Variants in SLC25A12 observed in about 807,000 individuals in gnomAD.
SLC25A12 encodes the protein solute carrier family 25 member 12, also known as electrogenic aspartate/glutamate antiporter SLC25A12, mitochondrial.
SLC25A12 carries 32 observed loss-of-function variants against 83.3 expected under a neutral mutation model. The ratio of observed to expected loss-of-function variants is 0.38; its 90% CI spans 0.29 to 0.52. The LOEUF is 0.52. SLC25A12 is among the 20% of genes least tolerant of loss of function. SLC25A12 has a pLI of 0.84. For synonymous variants in SLC25A12, 267 were observed against 291.1 expected, an observed-to-expected ratio of 0.92 and a Z score of 0.84; for missense variants, 611 against 835.6, an observed-to-expected ratio of 0.73 and a Z score of 3.31.
intron 11 of SLC25A12, among the ~76,000 whole-genome samples, chr2:171,811,012 A>G (rs1400388393): frequency 6.6e-6 from 1 of 152,248 alleles, no homozygotes; most frequent in African/African-American, 2.4e-5. Flanking sequence ...TAAACTGGAA[A>G]AGAAAAAAAT....
At chr2:171,793,599 G>C (rs1421912660) in intron 14 of SLC25A12, 28 bp downstream of exon 14, 2 of 1,608,698 alleles carry the variant, frequency 1.2e-6, no homozygotes, top group South Asian at 2.2e-5. Flanking sequence ...ATATTTTATT[G>C]AGTACATTAT....
chr2:171,812,830 G>A (rs528184689), intron 11 of SLC25A12, among the ~76,000 whole-genome samples: 1 of 149,888 alleles, frequency 6.7e-6, no homozygotes, highest in Non-Finnish European at 1.5e-5. Flanking sequence ...CCTTCAGATG[G>A]CTCATTGGAA....
At chr2:171,892,471 CGCCTCG>C (rs1685964310) in intron 2 of SLC25A12, among the ~76,000 whole-genome samples, 1 of 152,112 alleles carries the variant, frequency 6.6e-6, no homozygotes, top group East Asian at 1.9e-4. Context: ...ATGGTCCACC[CGCCTCG>C]GCCTCCCAAA....
At chr2:171,831,611 A>G (rs1266119913) in intron 8 of SLC25A12, among the ~76,000 whole-genome samples, 1 of 152,146 alleles carries the variant, frequency 6.6e-6, no homozygotes, top group Non-Finnish European at 1.5e-5. Context: ...TAGGGTTCAT[A>G]AAGTGGGAAA....
intron 13 of SLC25A12, among the ~76,000 whole-genome samples, chr2:171,794,984 AG>A (rs577075607): frequency 9.3e-4 from 142 of 152,266 alleles, no homozygotes; most frequent in Middle Eastern, 6.8e-3. Flanking sequence ...CCCGCTTCCA[AG>A]GGGCAGGAAC....
chr2:171,816,196 G>C lies in SLC25A12; in HGVS notation c.931-994C>G, dbSNP rs1486414711. 2.0e-5 allele frequency among the ~76,000 whole-genome samples: 3 copies of C among 151,356 alleles called. No individual in the cohort carries two copies. In the East Asian group the frequency reaches 5.9e-4, roughly 30 times the overall value. On this transcript the variant is annotated intron_variant, in intron 9 of 17. Transcript: ENST00000422440. ...TCCCAACGACTCAGCCTCCGAAGTA[G>C]CTAGGACTACAGGTGCATGCCACCA...
At chr2:171,867,565 G>A (rs1450749279) in intron 3 of SLC25A12, among the ~76,000 whole-genome samples, 4 of 152,198 alleles carry the variant, frequency 2.6e-5, no homozygotes, top group African/African-American at 9.6e-5. Context: ...GAGCCGAGAT[G>A]GCAGCAGTAC....
chr2:171,801,687 A>G (rs772424727), intron 13 of SLC25A12, among the ~76,000 whole-genome samples: 5 of 152,200 alleles, frequency 3.3e-5, no homozygotes, highest in Non-Finnish European at 7.3e-5. Context: ...AATAAATTAC[A>G]TGAGATATCC....
At chr2:171,886,385 C>G (rs1315830744) in intron 2 of SLC25A12, among the ~76,000 whole-genome samples, 1 of 151,462 alleles carries the variant, frequency 6.6e-6, no homozygotes, top group Non-Finnish European at 1.5e-5. Context: ...CATGCCACCA[C>G]CACACCCAGC....
chr2:171,848,234 T>TG (rs1383990183), intron 4 of SLC25A12: 1 of 471,106 alleles, frequency 2.1e-6, no homozygotes, highest in East Asian at 6.9e-5. Flanking sequence ...TGAATGAGCC[T>TG]GGAAGGAGCT....
intron 8 of SLC25A12, among the ~76,000 whole-genome samples, 185 bp from the exon 9 acceptor site, chr2:171,827,067 A>G (rs553178992): frequency 6.6e-6 from 1 of 152,268 alleles, no homozygotes; most frequent in Non-Finnish European, 1.5e-5. Flanking sequence ...CAAAAAGCAA[A>G]AGACTCCAGA....
Position 171,785,295 on chromosome 2 carries a change from TG to T in SLC25A12, c.2015del (p.Ala672GlufsTer20), listed in dbSNP as rs780650245. On this transcript the variant is annotated frameshift_variant, in exon 18 of 18. Coordinates refer to ENST00000422440, the MANE Select transcript of SLC25A12 (RefSeq NM_003705.5). LOFTEE classifies it high-confidence loss of function. ...CTCATCACTGAGTGGCTGCCACTGC[TG>T]CCTTTGGCTGAACCACAGCAACACT... The part of the protein sequence containing the change: ...SPSVAVVQPK[A>X]AVAATQ The T allele has an allele frequency of 1.1e-4, 180 of 1,614,200 alleles. No homozygotes were observed. The African/African-American group carries it at 2.1e-3, about 18-fold the overall frequency.
Position 171,837,202 on chromosome 2 carries a change from A to T in SLC25A12, c.531T>A (p.Ile177=). The T allele has an allele frequency of 6.2e-7, 1 of 1,614,126 alleles. No individual in the cohort carries two copies. ...TGATGTCACTGAAATCCAGACCAGA[A>T]ATCATGCCACTTTTGCTTTTGTCTT... ...ALKDKSKSGM[I]SGLDFSDIMV... is the part of the protein sequence containing the mutation. Residue 177 remains isoleucine (I), a synonymous_variant, in exon 6 of 18, where the codon ATT becomes ATA. Coordinates refer to ENST00000422440, the MANE Select transcript of SLC25A12 (RefSeq NM_003705.5).
chr2:171,790,207 A>G (rs1683417093), intron 15 of SLC25A12, among the ~76,000 whole-genome samples: 1 of 152,204 alleles, frequency 6.6e-6, no homozygotes, highest in Admixed American at 6.5e-5. Context: ...GGTTGCCCTG[A>G]TGTTTAGCCA....
At chr2:171,819,376 T>A (rs1180014441) in intron 9 of SLC25A12, among the ~76,000 whole-genome samples, 2 of 44,824 alleles carry the variant, frequency 4.5e-5, no homozygotes, top group Non-Finnish European at 1.2e-4. Context: ...ATATAATATA[T>A]TATATATAAT....
At chr2:171,872,143 C>G (rs1181381304) in intron 2 of SLC25A12, among the ~76,000 whole-genome samples, 2 of 151,900 alleles carry the variant, frequency 1.3e-5, no homozygotes, top group Admixed American at 1.3e-4. Context: ...TACCACTAAC[C>G]CTTTGTGAGT....
intron 2 of SLC25A12, among the ~76,000 whole-genome samples, chr2:171,873,228 C>T (rs1685494162): frequency 6.6e-6 from 1 of 152,106 alleles, no homozygotes; most frequent in Non-Finnish European, 1.5e-5. Context: ...GCAGGCAGAT[C>T]ACGAGGTCAG....
intron 5 of SLC25A12, 45 bp downstream of exon 5, chr2:171,844,324 A>G: frequency 6.3e-7 from 1 of 1,587,840 alleles, no homozygotes; most frequent in Non-Finnish European, 8.6e-7. Context: ...CGAAGGACAC[A>G]GAAGAATAGT....
chr2:171,887,188 G>T (rs759785554), intron 2 of SLC25A12, among the ~76,000 whole-genome samples: 52 of 152,278 alleles, frequency 3.4e-4, no homozygotes, highest in Non-Finnish European at 6.6e-4. Flanking sequence ...AAATGTTATT[G>T]TAAAAACCCT....
Sources: allele counts gnomAD v4.1 joint callset (sites outside exome capture counted in the v4.1 genomes callset), GRCh38; gene constraint gnomAD v4.1.1; transcripts MANE v1.5; gene names NCBI Gene and HGNC (gene_info 2026-07-23, HGNC 2026-07-21).